Variants in MOV10L1 observed in about 807,000 individuals in gnomAD.
MOV10L1 encodes Mov10 like RNA helicase 1.
Under a neutral mutation model 143.8 loss-of-function variants are expected in MOV10L1, and 110 were observed. The observed-to-expected ratio is 0.76, with a 90% CI of 0.66 to 0.90. The LOEUF is 0.90. Ranked by LOEUF, MOV10L1 falls within the 40% of genes least tolerant of loss-of-function variation. MOV10L1 has a pLI of 0.00. For missense variants in MOV10L1, 1,406 were observed against 1,526.8 expected (o/e 0.92, Z 1.32); for synonymous variants, 593 against 581.1 (o/e 1.02, Z -0.29).
chr22:50,115,333 G>A (rs1402914710), intron 8 of MOV10L1, 87 bp downstream of exon 8: 1 of 1,374,902 alleles, frequency 7.3e-7, no homozygotes. Flanking sequence ...ACTCCTTTGT[G>A]GCGGGTGGAT....
rs971934654 is a variant in MOV10L1 at position 50,108,660 on chromosome 22, T to C, written c.559T>C (p.Cys187Arg). The C allele has an allele frequency of 1.2e-6, 2 of 1,613,970 alleles. No homozygotes were observed. The highest frequency in any genetic ancestry group is 2.7e-5 in the African/African-American group (2 of 74,932). Residue 187 changes from cysteine to arginine, a missense_variant, in exon 5 of 27, where the codon TGC becomes CGC. By Grantham distance (180) the Cys-to-Arg change is radical. This residue lies in a region of MOV10L1 where 1,233 missense variants were observed against 1,351.4 expected (regional missense o/e 0.91). Coordinates refer to ENST00000262794, the MANE Select transcript of MOV10L1 (RefSeq NM_018995.3). ...ACGCTCAGCTCTCTGCTCCCAGGTC[T>C]GCATCTCTAGCCTCTGTGGAAGGAA... ...PLRYKRVDKVCISSLCGRNGV... is the reference protein window; with the variant it reads ...PLRYKRVDKVRISSLCGRNGV...
chr22:50,144,340 G>T, intron 18 of MOV10L1, 97 bp downstream of exon 18: 1 of 1,389,984 alleles, frequency 7.2e-7, no homozygotes. Flanking sequence ...AGGAGGGTGG[G>T]CACAGAGGCG....
chr22:50,114,669 G>A (rs770694848), intron 7 of MOV10L1, 47 bp downstream of exon 7: 9 of 1,601,470 alleles, frequency 5.6e-6, no homozygotes, highest in Middle Eastern at 1.7e-4. Context: ...GTGGGCTGGG[G>A]GCCGTGGGGT....
At position 50,117,257 on chromosome 22, in the gene MOV10L1, A is replaced by G. The variant is rs760749; in HGVS notation, c.1360A>G (p.Ile454Val). The change falls in exon 9 of 27, where the codon ATT (isoleucine) becomes GTT (valine). Residue 454 changes from isoleucine to valine, a missense_variant. Ile to Val is a conservative substitution (Grantham distance 29). This residue lies in a region of MOV10L1 where 1,233 missense variants were observed against 1,351.4 expected (regional missense o/e 0.91). Coordinates refer to ENST00000262794, the MANE Select transcript of MOV10L1 (RefSeq NM_018995.3). ...TGTTATCAGTGGGGAGGAGTCACTA[A>G]TTGCTGCGCGCGAACCATTTTCTTG... is the stretch of plus-strand genomic sequence containing the variant. ...VNVISGEESL[I>V]AAREPFSWKK... 6.2e-7 allele frequency: 1 copy of G among 1,613,964 alleles called. No individual in the cohort carries two copies. The highest frequency in any genetic ancestry group is 8.5e-7 in the Non-Finnish European group (1 of 1,179,970).
At chr22:50,106,434 A>G (rs1439062805) in intron 3 of MOV10L1, among the ~76,000 whole-genome samples, 1 of 149,138 alleles carries the variant, frequency 6.7e-6, no homozygotes, top group Non-Finnish European at 1.5e-5. Flanking sequence ...ACAAAGTGCT[A>G]GAAATCTTTA....
intron 5 of MOV10L1, among the ~76,000 whole-genome samples, chr22:50,110,935 TA>T (rs142971485): frequency 0.23 from 33,893 of 149,450 alleles, 4,156 homozygotes; most frequent in Admixed American, 0.35. Flanking sequence ...CATCTCCAAT[TA>T]AAAAAAAAAA....
chr22:50,160,274 C>T lies in MOV10L1; in HGVS notation c.3325-414C>T, dbSNP rs561182126. ...CTTTCTTTTTTTTTTTTTGAGATGG[C>T]GTCGCTCTGTCGCCCAGGCTGGAGT... is the stretch of plus-strand genomic sequence containing the variant. On this transcript the variant is annotated intron_variant, in intron 24 of 26. Coordinates refer to ENST00000262794, the MANE Select transcript of MOV10L1 (RefSeq NM_018995.3). Among the ~76,000 whole-genome samples the T allele has an allele frequency of 1.1e-4, 14 of 129,466 alleles. No individual in the cohort carries two copies. In the East Asian group the frequency reaches 2.9e-3, roughly 27 times the overall value. The allele number at this position is 129,466 out of a possible 152,430, so 84.9% of individuals were successfully genotyped here. A position where few individuals can be genotyped will look rare whatever the true frequency, so the allele number is the denominator to read the frequency against.
At chr22:50,139,095 G>T (rs577636229) in intron 15 of MOV10L1, among the ~76,000 whole-genome samples, 4 of 152,102 alleles carry the variant, frequency 2.6e-5, no homozygotes, top group African/African-American at 7.2e-5. Flanking sequence ...TAAATCAATG[G>T]AGGGAGATAT....
At chr22:50,143,405 T>C in intron 17 of MOV10L1, 184 bp downstream of exon 17, 1 of 698,188 alleles carries the variant, frequency 1.4e-6, no homozygotes, top group Non-Finnish European at 2.4e-6. Context: ...GCTTATTTCA[T>C]AGGTTTAGAA....
At chr22:50,091,015 T>A (rs1292715892) in intron 1 of MOV10L1, 1 of 173,156 alleles carries the variant, frequency 5.8e-6, no homozygotes, top group Non-Finnish European at 1.4e-5. Context: ...TGTTTCCTTA[T>A]GTGGGAATGG....
intron 3 of MOV10L1, among the ~76,000 whole-genome samples, chr22:50,107,308 C>T (rs1006523493): frequency 9.2e-5 from 14 of 151,868 alleles, no homozygotes; most frequent in Non-Finnish European, 1.3e-4. Context: ...GTGATCCACC[C>T]GCCTCGGCCT....
At chr22:50,138,323 A>G (rs1276718528) in intron 15 of MOV10L1, among the ~76,000 whole-genome samples, 3 of 152,146 alleles carry the variant, frequency 2.0e-5, no homozygotes, top group Admixed American at 6.5e-5. Flanking sequence ...TAATTCCAGC[A>G]CTTTGGGAGG....
chr22:50,114,720 A>G lies in MOV10L1; in HGVS notation c.1126+98A>G, dbSNP rs2062121394. 7 of 1,509,000 alleles carry G rather than the reference A, an allele frequency of 4.6e-6. No individual in the cohort carries two copies. In the Middle Eastern group the frequency reaches 9.3e-4, roughly 201 times the overall value. 93.5% of individuals were successfully genotyped at this position (1,509,000 alleles called of 1,614,324 possible). On this transcript the variant is annotated intron_variant, in intron 7 of 26. Coordinates refer to ENST00000262794, the MANE Select transcript of MOV10L1 (RefSeq NM_018995.3). ...GAGGGCGGGCAGCAGGGGCCAGGAC[A>G]CCCGGCAGCTACAGTGCTTTGTGCT...
Position 50,125,571 on chromosome 22 carries a change from T to C in MOV10L1, c.1747+2T>C. ...AAGGGAGGCCTTCTCTCTACGCAGG[T>C]GTGTTTGTTACTCATATGCTTCCCT... On this transcript the variant is annotated splice_donor_variant, in intron 11 of 26. Transcript: ENST00000262794. LOFTEE classifies it high-confidence loss of function. 6.2e-7 allele frequency: 1 copy of C among 1,613,638 alleles called. No individual in the cohort carries two copies. The highest frequency in any genetic ancestry group is 1.1e-5 in the South Asian group (1 of 91,026).
chr22:50,160,994 A>G lies in MOV10L1; in HGVS notation c.3493A>G (p.Ser1165Gly), dbSNP rs770402145. Residue 1165 changes from serine (S) to glycine (G), a missense_variant, in exon 26 of 27, where the codon AGT becomes GGT. Ser to Gly is a moderately conservative substitution (Grantham distance 56). Transcript: ENST00000262794. ...CTGTTTTGGTGCTTTGCTGGAATAC[A>G]GTATTACAAACGGTGTTTACATGGG... Reference protein sequence around the residue: ...DPCFGALLEYSITNGVYMGCD... With the variant: ...DPCFGALLEYGITNGVYMGCD... The G allele has an allele frequency of 1.9e-6, 3 of 1,614,208 alleles. No individual in the cohort carries two copies. The African/African-American group carries it at 4.0e-5, about 22-fold the overall frequency.
chr22:50,130,905 T>C (rs1238299776), intron 13 of MOV10L1, among the ~76,000 whole-genome samples: 2 of 152,208 alleles, frequency 1.3e-5, no homozygotes, highest in African/African-American at 4.8e-5. Flanking sequence ...TTTTCTTTTT[T>C]CTTTTTTTTG....
At position 50,149,603 on chromosome 22, in the gene MOV10L1, T is replaced by C. The variant is rs2063241446; in HGVS notation, c.2628-12T>C. 6.2e-7 allele frequency: 1 copy of C among 1,613,076 alleles called. No homozygotes were observed. Among genetic ancestry groups the C allele is most frequent in the Admixed American group, 1.7e-5 (1 of 59,948 alleles). On this transcript the variant is annotated splice_polypyrimidine_tract_variant and intron_variant, in intron 19 of 26. Transcript: ENST00000262794. ...TCGGCAGAAATTACCATTTAGAACATCTTTGCTCTAGAGTTGGGCACTTCA... is the reference window on the plus strand; with the variant it reads ...TCGGCAGAAATTACCATTTAGAACACCTTTGCTCTAGAGTTGGGCACTTCA...
chr22:50,123,352 A>G (rs1870911325), intron 10 of MOV10L1, among the ~76,000 whole-genome samples: 1 of 151,862 alleles, frequency 6.6e-6, no homozygotes, highest in South Asian at 2.1e-4. Flanking sequence ...TGATCATAGC[A>G]TGTAATCCTT....
At chr22:50,109,626 G>T (rs1303124403) in intron 5 of MOV10L1, 1 of 155,220 alleles carries the variant, frequency 6.4e-6, no homozygotes, top group Non-Finnish European at 1.4e-5. Flanking sequence ...AGCCGAGATC[G>T]CGCCACTGCA....
Sources: gnomAD v4.1 joint callset for allele counts (sites outside exome capture counted in the v4.1 genomes callset) on GRCh38, gnomAD v4.1.1 for gene constraint, gnomAD v4.1.1 regional missense constraint, MANE v1.5 for transcripts, NCBI Gene and HGNC (gene_info 2026-07-23, HGNC 2026-07-21) for gene names.